Variants in TRIQK observed in about 807,000 individuals in gnomAD.
TRIQK encodes the protein triple QxxK/R motif-containing protein.
TRIQK carries 10 observed loss-of-function variants against 10.8 expected under a neutral mutation model. The ratio of observed to expected loss-of-function variants is 0.92; its 90% CI spans 0.57 to 1.57. The LOEUF is 1.57. TRIQK is among the 40% of genes most tolerant of loss of function. The probability of loss-of-function intolerance (pLI) is 0.00; values close to 1 mark genes in which losing one functional copy is unlikely to be tolerated. For missense variants in TRIQK, 107 were observed against 97.7 expected (o/e 1.09, Z -0.40); for synonymous variants, 33 against 33.7 (o/e 0.98, Z 0.07).
intron 1 of TRIQK, among the ~76,000 whole-genome samples, chr8:92,980,366 G>GGTGTGT (rs140764225): frequency 1.3e-5 from 2 of 150,458 alleles, no homozygotes; most frequent in Non-Finnish European, 3.0e-5. Flanking sequence ...GGCATATGGG[G>GGTGTGT]GTGTGTGTGT....
chr8:92,974,456 C>G (rs1001428391), intron 1 of TRIQK: 7 of 152,286 alleles, frequency 4.6e-5, no homozygotes, highest in African/African-American at 1.7e-4. Flanking sequence ...GATTTGTGAC[C>G]TCCTTTTTTA....
At chr8:92,902,741 T>A (rs1337580917) in intron 3 of TRIQK, among the ~76,000 whole-genome samples, 1 of 152,140 alleles carries the variant, frequency 6.6e-6, no homozygotes, top group African/African-American at 2.4e-5. Context: ...TTAATTAGTA[T>A]GTTTAGGTGT....
At chr8:92,971,722 C>G (rs1380438414) in intron 1 of TRIQK, among the ~76,000 whole-genome samples, 1 of 152,046 alleles carries the variant, frequency 6.6e-6, no homozygotes, top group Non-Finnish European at 1.5e-5. Context: ...GCCATATTGC[C>G]CAAAGTAATT....
chr8:92,988,705 G>A (rs1282461664), intron 1 of TRIQK, among the ~76,000 whole-genome samples: 1 of 152,064 alleles, frequency 6.6e-6, no homozygotes, highest in Non-Finnish European at 1.5e-5. Context: ...TGTTTGGCCC[G>A]CATATCAGTT....
intron 2 of TRIQK, chr8:92,926,386 T>G (rs1810450023): frequency 6.6e-6 from 1 of 151,884 alleles, no homozygotes; most frequent in South Asian, 2.1e-4. Flanking sequence ...AAAGCAGAAA[T>G]GAAAATTACA....
At chr8:92,968,940 C>T (rs750871418), upstream of TRIQK, among the ~76,000 whole-genome samples, 3 of 151,928 alleles carry the variant, frequency 2.0e-5, no homozygotes, top group Non-Finnish European at 4.4e-5. Flanking sequence ...TTAGGTCTTA[C>T]GTTTAAGTCT....
intron 3 of TRIQK, among the ~76,000 whole-genome samples, chr8:92,915,487 TC>T (rs1192145422): frequency 1.3e-5 from 2 of 149,544 alleles, no homozygotes; most frequent in African/African-American, 2.5e-5. Flanking sequence ...CTATAAACAT[TC>T]TTTTTTTTTT....
intron 2 of TRIQK, among the ~76,000 whole-genome samples, chr8:92,936,542 C>T (rs1435527318): frequency 6.6e-6 from 1 of 151,486 alleles, no homozygotes; most frequent in Non-Finnish European, 1.5e-5. Context: ...CCTGTTGATA[C>T]ATAGGCAAAC....
At chr8:92,898,850 TATATATATATATATATATATATAG>T (rs1292407914) in intron 3 of TRIQK, among the ~76,000 whole-genome samples, 1 of 135,852 alleles carries the variant, frequency 7.4e-6, no homozygotes, top group African/African-American at 2.8e-5. Context: ...TATATATATA[TATATATATATATATATATATATAG>T]ATGGGGGTAC....
intron 1 of TRIQK, among the ~76,000 whole-genome samples, chr8:92,992,318 C>T (rs758891722): frequency 6.6e-6 from 1 of 152,164 alleles, no homozygotes; most frequent in Non-Finnish European, 1.5e-5. Flanking sequence ...GAGGTAGAAG[C>T]AAAACCCTCT....
intron 2 of TRIQK, among the ~76,000 whole-genome samples, chr8:92,932,681 C>T (rs1810792188): frequency 6.6e-6 from 1 of 152,028 alleles, no homozygotes; most frequent in Admixed American, 6.6e-5. Flanking sequence ...TTCCTCATTT[C>T]TTCCATATTT....
chr8:92,977,971 A>G (rs907485950), intron 1 of TRIQK, among the ~76,000 whole-genome samples: 1 of 152,112 alleles, frequency 6.6e-6, no homozygotes, highest in Non-Finnish European at 1.5e-5. Flanking sequence ...AATACAAACT[A>G]TTTCTGACCA....
chr8:92,917,538 T>C (rs966751970), intron 2 of TRIQK, among the ~76,000 whole-genome samples: 3 of 151,978 alleles, frequency 2.0e-5, no homozygotes, highest in Admixed American at 2.0e-4. Context: ...ACTACTACCA[T>C]TTATTAATAT....
intron 3 of TRIQK, among the ~76,000 whole-genome samples, chr8:92,900,287 C>T (rs1808856474): frequency 6.6e-6 from 1 of 152,096 alleles, no homozygotes; most frequent in Admixed American, 6.6e-5. Flanking sequence ...CTTTGGTTGT[C>T]TGAGCTTGTG....
intron 1 of TRIQK, among the ~76,000 whole-genome samples, chr8:92,986,954 C>T (rs967206256): frequency 2.6e-5 from 4 of 152,148 alleles, no homozygotes; most frequent in African/African-American, 9.7e-5. Flanking sequence ...GGACATGACA[C>T]ATGACAAGCT....
At chr8:92,929,845 T>G (rs946708676) in intron 2 of TRIQK, among the ~76,000 whole-genome samples, 1 of 152,166 alleles carries the variant, frequency 6.6e-6, no homozygotes, top group Admixed American at 6.5e-5. Flanking sequence ...GTTAATCTTC[T>G]GGATTATATT....
intron 1 of TRIQK, among the ~76,000 whole-genome samples, chr8:92,955,470 C>T (rs1294099028): frequency 6.6e-6 from 1 of 151,590 alleles, no homozygotes; most frequent in African/African-American, 2.4e-5. Context: ...AACTATAAAA[C>T]ATTTAAAGGA....
At chr8:92,974,693 T>C (rs1293058983) in intron 1 of TRIQK, 1 of 152,250 alleles carries the variant, frequency 6.6e-6, no homozygotes, top group Admixed American at 6.5e-5. Flanking sequence ...ATCCAGGCTT[T>C]CCTGAGCCCA....
At chr8:92,896,834 TA>T (rs1808627758) in intron 3 of TRIQK, among the ~76,000 whole-genome samples, 1 of 151,656 alleles carries the variant, frequency 6.6e-6, no homozygotes, top group East Asian at 1.9e-4. Context: ...TTTTTTTTTT[TA>T]GATGTTGTTT....
Sources: allele counts gnomAD v4.1 joint callset (sites outside exome capture counted in the v4.1 genomes callset), GRCh38; gene constraint gnomAD v4.1.1; transcripts MANE v1.5; gene names NCBI Gene and HGNC (gene_info 2026-07-23, HGNC 2026-07-21).